Variants in NFIC observed in about 807,000 individuals in gnomAD.
NFIC encodes nuclear factor I C.
Under a neutral mutation model 54.4 loss-of-function variants are expected in NFIC, and 12 were observed. The observed-to-expected ratio is 0.22, with a 90% CI of 0.14 to 0.36. NFIC has a LOEUF of 0.36. NFIC is among the 10% of genes least tolerant of loss of function. NFIC has a pLI of 1.00. For missense variants in NFIC, 575 were observed against 718.2 expected (o/e 0.80, Z 2.28); for synonymous variants, 322 against 319.2 (o/e 1.01, Z -0.09).
chr19:3,375,223 T>C lies in NFIC; in HGVS notation c.31-6489T>C, dbSNP rs1376345481. On this transcript the variant is annotated intron_variant, in intron 1 of 10. Transcript: ENST00000443272. This position sits in a 1 kb window ranked among gnomAD's most constrained non-coding sequence, Gnocchi z 4.6. ...CCCTGTCCCTTCCAGCAGCCTCTTA[T>C]CACAGCCCCAGTAAGCGCCAGAGCT... 1.3e-5 allele frequency among the ~76,000 whole-genome samples: 2 copies of C among 152,096 alleles called. No homozygotes were observed. Among genetic ancestry groups the C allele is most frequent in the Non-Finnish European group, 2.9e-5 (2 of 68,012 alleles).
intron 9 of NFIC, 120 bp from the exon 10 acceptor site, chr19:3,456,430 C>A: frequency 2.2e-6 from 2 of 917,040 alleles, no homozygotes; most frequent in Non-Finnish European, 3.3e-6. Flanking sequence ...AGGCCCCAGG[C>A]ACTGGGTGCA....
intron 3 of NFIC, among the ~76,000 whole-genome samples, chr19:3,433,307 C>T (rs1027399200): frequency 6.6e-6 from 1 of 152,200 alleles, no homozygotes; most frequent in Non-Finnish European, 1.5e-5. Flanking sequence ...TGGGGGAACC[C>T]GGATGAAGGC....
chr19:3,390,204 G>T (rs938509019), intron 2 of NFIC, among the ~76,000 whole-genome samples: 1 of 152,240 alleles, frequency 6.6e-6, no homozygotes, highest in African/African-American at 2.4e-5. Context: ...AGGGGTGAGG[G>T]GTTCCTGGCA....
chr19:3,366,041 C>G (rs543390966), upstream of NFIC, among the ~76,000 whole-genome samples: 761 of 152,062 alleles, frequency 5.0e-3, 5 homozygotes, highest in African/African-American at 0.017. Context: ...TTCCTTCCCT[C>G]CCCCCTGGCT....
chr19:3,460,680 A>C (rs910492422), intron 10 of NFIC, among the ~76,000 whole-genome samples: 23 of 151,774 alleles, frequency 1.5e-4, no homozygotes, highest in African/African-American at 5.1e-4. Flanking sequence ...CGCCTGGCTA[A>C]TTTTTGTATT....
chr19:3,386,089 G>T (rs928208960), intron 2 of NFIC, among the ~76,000 whole-genome samples: 1 of 151,216 alleles, frequency 6.6e-6, no homozygotes, highest in Non-Finnish European at 1.5e-5. Flanking sequence ...TTTCCCATAT[G>T]GAAAACCCCA....
rs1379860876 is a variant in NFIC, at chr19:3,385,007, C to T, written c.562+2764C>T. ...TGCTGCAGTCAGCACAACCTCTGGG[C>T]GCCTCCCCACCCCCACCCTGCCCCT... On this transcript the variant is annotated intron_variant, in intron 2 of 10. Transcript: ENST00000443272. 4.0e-5 allele frequency among the ~76,000 whole-genome samples: 6 copies of T among 150,258 alleles called. No individual in the cohort carries two copies. In the East Asian group the frequency reaches 1.2e-3, roughly 30 times the overall value.
chr19:3,390,101 C>T (rs956416372), intron 2 of NFIC, among the ~76,000 whole-genome samples: 2 of 152,248 alleles, frequency 1.3e-5, no homozygotes, highest in African/African-American at 4.8e-5. Context: ...CCTCCTTTTC[C>T]CAACCCAGTG....
intron 1 of NFIC, among the ~76,000 whole-genome samples, chr19:3,373,674 C>T (rs546818570): frequency 9.3e-5 from 13 of 140,316 alleles, no homozygotes; most frequent in African/African-American, 3.4e-4. Context: ...GTCCCTCAAA[C>T]TCTTAAATTT....
chr19:3,461,298 C>T (rs1214123354), intron 10 of NFIC, among the ~76,000 whole-genome samples: 3 of 149,732 alleles, frequency 2.0e-5, no homozygotes, highest in Non-Finnish European at 4.4e-5. Flanking sequence ...TGGAACATAC[C>T]TGTGGTCCCA....
intron 2 of NFIC, 21 bp from the exon 3 acceptor site, chr19:3,425,085 G>A (rs762159878): frequency 6.2e-7 from 1 of 1,612,862 alleles, no homozygotes; most frequent in Middle Eastern, 1.7e-4. Flanking sequence ...TGCCACCAGT[G>A]TTTCTTCCCT....
intron 2 of NFIC, among the ~76,000 whole-genome samples, chr19:3,396,480 A>G (rs1321487927): frequency 6.6e-6 from 1 of 151,660 alleles, no homozygotes; most frequent in African/African-American, 2.4e-5. Flanking sequence ...TCAAAAAAAA[A>G]AAAAAAAAAA....
At position 3,369,378 on chromosome 19, in the gene NFIC, C is replaced by CTCTCTCTCTG. The variant is rs1052773190; in HGVS notation, c.30+2728_30+2737dup. On this transcript the variant is annotated intron_variant, in intron 1 of 10. Coordinates refer to ENST00000443272, the MANE Select transcript of NFIC (RefSeq NM_001245002.2). This position sits in a 1 kb window ranked among gnomAD's most constrained non-coding sequence, Gnocchi z 4.3. ...TATCTCTGCATGTGTCTCCTTACTC[C>CTCTCTCTCTG]TCTCTCTCTGTCTCTCTCTGTCTCT... Among the ~76,000 whole-genome samples, 1 of 152,220 alleles carries CTCTCTCTCTG rather than the reference C, an allele frequency of 6.6e-6. No individual in the cohort carries two copies. The highest frequency in any genetic ancestry group is 2.1e-4 in the South Asian group (1 of 4,826).
Position 3,398,135 on chromosome 19 carries a change from C to T in NFIC, c.562+15892C>T, listed in dbSNP as rs538568909. Among the ~76,000 whole-genome samples the T allele has an allele frequency of 2.5e-4, 38 of 152,262 alleles. No homozygotes were observed. The South Asian group carries it at 5.4e-3, about 22-fold the overall frequency. The stretch of plus-strand genomic sequence containing the variant: ...CTGCTGTTTCAGCCCAGCATTCATC[C>T]GCCGTGCAGACTTGGCAATTCCTTC... On this transcript the variant is annotated intron_variant, in intron 2 of 10. Transcript: ENST00000443272.
At chr19:3,441,893 C>G (rs1054827924) in intron 6 of NFIC, among the ~76,000 whole-genome samples, 1 of 152,230 alleles carries the variant, frequency 6.6e-6, no homozygotes, top group Non-Finnish European at 1.5e-5. Flanking sequence ...CCTCCCCCCA[C>G]CCTTCCCTGC....
chr19:3,366,445 G>T (rs1006623991), upstream of NFIC: 34 of 502,704 alleles, frequency 6.8e-5, 1 homozygote, highest in South Asian at 8.5e-4. Context: ...GACAGAGAGC[G>T]AGGCGGGCGG....
At position 3,425,137 on chromosome 19, in the gene NFIC, G is replaced by T. The variant is rs565990795; in HGVS notation, c.594G>T (p.Gly198=). ...AGCAAAGCGGCAGTCCCCGGACAGG[G>T]ATGGGCTCTGACCAGGAGGACAGCA... ...DAEQSGSPRT[G]MGSDQEDSKP... Residue 198 remains glycine (G), a synonymous_variant, in exon 3 of 11, where the codon GGG becomes GGT. Transcript: ENST00000443272. 4 of 1,613,066 alleles carry T rather than the reference G, an allele frequency of 2.5e-6. No homozygotes were observed. The highest frequency in any genetic ancestry group is 3.4e-6 in the Non-Finnish European group (4 of 1,179,946).
At chr19:3,381,647 GC>G (rs67426967) in intron 1 of NFIC, 64 bp from the exon 2 acceptor site, 352,178 of 1,557,796 alleles carry the variant, frequency 0.23, 41,585 homozygotes, top group African/African-American at 0.28. Flanking sequence ...AGCCTTCGGG[GC>G]CGGGCAGTGG....
intron 6 of NFIC, among the ~76,000 whole-genome samples, chr19:3,435,548 G>A (rs1265674216): frequency 6.6e-6 from 1 of 152,160 alleles, no homozygotes; most frequent in Non-Finnish European, 1.5e-5. Context: ...CCTCTTCCTG[G>A]GATCTGTCAT....
Sources: allele counts gnomAD v4.1 joint callset (sites outside exome capture counted in the v4.1 genomes callset), GRCh38; gene constraint gnomAD v4.1.1; non-coding constraint Gnocchi (gnomAD v3.1); transcripts MANE v1.5; gene names NCBI Gene and HGNC (gene_info 2026-07-23, HGNC 2026-07-21).